DISC1: variants seen among roughly 807,000 people sequenced by gnomAD.
The protein encoded by DISC1 is DISC1 scaffold protein.
A neutral mutation model predicts 84.5 loss-of-function variants in DISC1; 57 were observed. That is an observed-to-expected ratio of 0.67 (90% confidence interval 0.55 to 0.84). The LOEUF (loss-of-function observed/expected upper bound fraction) is 0.84. Ranked by LOEUF, DISC1 falls within the 40% of genes least tolerant of loss-of-function variation. The pLI, the probability that DISC1 is intolerant of heterozygous loss-of-function variation, is 0.00. For missense variants in DISC1, 1,000 were observed against 1,057.8 expected, an observed-to-expected ratio of 0.95 and a Z score of 0.76; for synonymous variants, 411 against 415.2, an observed-to-expected ratio of 0.99 and a Z score of 0.12.
At chr1:231,816,441 A>G (rs1484185990) in intron 8 of DISC1, among the ~76,000 whole-genome samples, 1 of 152,146 alleles carries the variant, frequency 6.6e-6, no homozygotes, top group Non-Finnish European at 1.5e-5. Context: ...AAGCCCATTT[A>G]TCCTTTTTAA....
intron 6 of DISC1, among the ~76,000 whole-genome samples, chr1:231,776,671 A>G (rs1413571098): frequency 6.6e-6 from 1 of 152,228 alleles, no homozygotes; most frequent in Non-Finnish European, 1.5e-5. Context: ...AGTCCACAAC[A>G]TGCAGTCCCT....
At chr1:231,916,335 A>AT (rs2089616353) in intron 9 of DISC1, among the ~76,000 whole-genome samples, 1 of 152,098 alleles carries the variant, frequency 6.6e-6, no homozygotes, top group African/African-American at 2.4e-5. Flanking sequence ...TTGATATTAC[A>AT]CTTTTTTTCT....
chr1:231,931,645 A>ATTTTTTT (rs10652394), intron 9 of DISC1, among the ~76,000 whole-genome samples: 6 of 137,942 alleles, frequency 4.3e-5, no homozygotes, highest in Non-Finnish European at 7.8e-5. Flanking sequence ...ACTGCTTGTG[A>ATTTTTTT]TTTTTTTTTT....
At chr1:231,770,241 T>C (rs2076450008) in intron 5 of DISC1, among the ~76,000 whole-genome samples, 3 of 151,892 alleles carry the variant, frequency 2.0e-5, no homozygotes, top group Admixed American at 2.0e-4. Context: ...TATTAAATGA[T>C]ATTTTATGGA....
chr1:231,975,110 AAAC>A (rs1262718406), intron 10 of DISC1, among the ~76,000 whole-genome samples: 1 of 151,404 alleles, frequency 6.6e-6, no homozygotes. Flanking sequence ...AAAGACAACA[AAAC>A]AACAATAACA....
At chr1:231,706,692 G>A (rs1354693290) in intron 3 of DISC1, among the ~76,000 whole-genome samples, 1 of 152,168 alleles carries the variant, frequency 6.6e-6, no homozygotes, top group African/African-American at 2.4e-5. Flanking sequence ...TATCCATTAT[G>A]ACAGAACTCT....
chr1:232,036,673 T>A lies in DISC1; in HGVS notation c.2426-19T>A. On this transcript the variant is annotated intron_variant, in intron 12 of 12. Coordinates refer to ENST00000439617, the MANE Select transcript of DISC1 (RefSeq NM_018662.3). ...GGGCCACGATCACCTTCGAATGTGCTCCTTAACAATGTGCCCACAGTCTCT... is the reference window on the plus strand; with the variant it reads ...GGGCCACGATCACCTTCGAATGTGCACCTTAACAATGTGCCCACAGTCTCT... 6.4e-7 allele frequency: 1 copy of A among 1,558,552 alleles called. No homozygotes were observed. The highest frequency in any genetic ancestry group is 2.3e-5 in the East Asian group (1 of 43,568).
At chr1:232,030,527 T>A (rs1669903079) in intron 12 of DISC1, among the ~76,000 whole-genome samples, 1 of 152,212 alleles carries the variant, frequency 6.6e-6, no homozygotes, top group African/African-American at 2.4e-5. Flanking sequence ...TGGGAAGCCC[T>A]TATGGAATTC....
Position 232,009,262 on chromosome 1 carries a change from G to A in DISC1, c.2307+213G>A, listed in dbSNP as rs1488746720. 2 of 1,363,376 alleles carry A rather than the reference G, an allele frequency of 1.5e-6. No individual in the cohort carries two copies. The highest frequency in any genetic ancestry group is 1.5e-5 in the African/African-American group (1 of 68,238). The allele number at this position is 1,363,376 out of a possible 1,614,324, so 84.5% of individuals were successfully genotyped here. A position where few individuals can be genotyped will look rare whatever the true frequency, so the allele number is the denominator to read the frequency against. ...GAAGAGCAAAAAAACCCAACTTTTG[G>A]CATATTTAGTTCCATTTTCATTCTA... On this transcript the variant is annotated intron_variant, in intron 11 of 12. Transcript: ENST00000439617. The surrounding 1 kb of genome is among the most constrained non-coding windows in gnomAD (Gnocchi z 4.6).
chr1:231,989,228 A>G lies in DISC1; in HGVS notation c.2043-19557A>G, dbSNP rs2102908273. On this transcript the variant is annotated intron_variant, in intron 10 of 12. Transcript: ENST00000439617. ...CTTTCCTACCCAGGTCAGGCTCATA[A>G]ACAGATGAGATGGAGAAAATAGGTC... Among the ~76,000 whole-genome samples the G allele has an allele frequency of 2.0e-5, 3 of 152,304 alleles. No homozygotes were observed. The Middle Eastern group carries it at 0.01, about 518-fold the overall frequency.
At chr1:231,829,183 G>A (rs748523587) in intron 9 of DISC1, among the ~76,000 whole-genome samples, 4 of 151,968 alleles carry the variant, frequency 2.6e-5, no homozygotes, top group Non-Finnish European at 5.9e-5. Context: ...TCATTTTTAT[G>A]GCTTCATACA....
intron 6 of DISC1, among the ~76,000 whole-genome samples, chr1:231,783,496 A>G (rs576305352): frequency 1.3e-5 from 2 of 152,344 alleles, no homozygotes; most frequent in South Asian, 4.1e-4. Context: ...TTTTTGGCAC[A>G]TGAATTACAG....
chr1:231,758,429 A>G (rs560987112), intron 4 of DISC1, among the ~76,000 whole-genome samples: 8 of 152,066 alleles, frequency 5.3e-5, no homozygotes, highest in African/African-American at 1.9e-4. Flanking sequence ...TAGGCAAACC[A>G]TGGGGTAGGG....
intron 9 of DISC1, chr1:231,943,724 CTTTT>C (rs201180878): frequency 5.0e-5 from 7 of 141,212 alleles, no homozygotes; most frequent in Non-Finnish European, 6.2e-5. Flanking sequence ...GACAATATGA[CTTTT>C]TTTTTTTTTT....
At chr1:231,824,403 G>T (rs1342269073) in intron 9 of DISC1, among the ~76,000 whole-genome samples, 2 of 152,056 alleles carry the variant, frequency 1.3e-5, no homozygotes, top group African/African-American at 2.4e-5. Context: ...TTTCTGATAG[G>T]CTGAGGTTTT....
At chr1:232,002,859 C>A (rs1375138419) in intron 10 of DISC1, among the ~76,000 whole-genome samples, 1 of 151,984 alleles carries the variant, frequency 6.6e-6, no homozygotes, top group African/African-American at 2.4e-5. Flanking sequence ...CCTGAACTTA[C>A]ATAAGTGATA....
Position 231,800,092 on chromosome 1 carries a change from A to T in DISC1, c.1690-16A>T, listed in dbSNP as rs200883320. The T allele has an allele frequency of 1.9e-6, 3 of 1,592,984 alleles. No homozygotes were observed. Among genetic ancestry groups the T allele is most frequent in the Non-Finnish European group, 2.6e-6 (3 of 1,163,710 alleles). ...GCTGAATAAATGATGATTCCTGGTC[A>T]TTTCTCTCCCCCTAGGTGTGTATGA... On this transcript the variant is annotated splice_polypyrimidine_tract_variant and intron_variant, in intron 7 of 12. Coordinates refer to ENST00000439617, the MANE Select transcript of DISC1 (RefSeq NM_018662.3).
intron 1 of DISC1, among the ~76,000 whole-genome samples, chr1:231,642,969 G>A (rs145063807): frequency 9.2e-5 from 14 of 152,326 alleles, no homozygotes; most frequent in Non-Finnish European, 1.5e-4. Flanking sequence ...AGCATGCACT[G>A]GAACAGCAGA....
chr1:231,965,959 C>G (rs549633255), intron 10 of DISC1, among the ~76,000 whole-genome samples: 2 of 150,832 alleles, frequency 1.3e-5, no homozygotes, highest in East Asian at 3.9e-4. Flanking sequence ...GTAGATGGAG[C>G]CTTTACTTTT....
Sources: allele counts gnomAD v4.1 joint callset (sites outside exome capture counted in the v4.1 genomes callset), GRCh38; gene constraint gnomAD v4.1.1; non-coding constraint Gnocchi (gnomAD v3.1); transcripts MANE v1.5; gene names NCBI Gene and HGNC (gene_info 2026-07-23, HGNC 2026-07-21).